The following DENND1A variants were observed in gnomAD, a reference collection of about 807,000 sequenced individuals.
The protein encoded by DENND1A is DENN domain containing 1A, also known as DENN domain-containing protein 1A.
Under a neutral mutation model 113.7 loss-of-function variants are expected in DENND1A, and 51 were observed. The observed-to-expected ratio is 0.45, with a 90% CI of 0.36 to 0.57. The LOEUF (loss-of-function observed/expected upper bound fraction) is 0.57, where lower values mean the gene tolerates loss of function less well. Ranked by LOEUF, DENND1A falls within the 20% of genes least tolerant of loss-of-function variation. The pLI, the probability that DENND1A is intolerant of heterozygous loss-of-function variation, is 0.00. For missense variants in DENND1A, 1,258 were observed against 1,395.9 expected (o/e 0.90, Z 1.57); for synonymous variants, 565 against 570.8 (o/e 0.99, Z 0.14).
intron 13 of DENND1A, among the ~76,000 whole-genome samples, chr9:123,479,846 C>T (rs1047076990): frequency 7.2e-5 from 11 of 152,198 alleles, no homozygotes; most frequent in East Asian, 3.8e-4. Context: ...TTCCTTTAGA[C>T]GCTAACTGCA....
At chr9:123,591,009 G>T (rs1197534860) in intron 11 of DENND1A, among the ~76,000 whole-genome samples, 2 of 152,142 alleles carry the variant, frequency 1.3e-5, no homozygotes, top group African/African-American at 4.8e-5. Context: ...TCTAGTCCAG[G>T]ATTTTTAACT....
chr9:123,446,887 T>C (rs2047347358), intron 18 of DENND1A, among the ~76,000 whole-genome samples: 2 of 152,214 alleles, frequency 1.3e-5, no homozygotes, highest in African/African-American at 4.8e-5. Context: ...AATGGGCCCA[T>C]TTGGCTAAAT....
chr9:123,436,376 C>A (rs117459748), intron 19 of DENND1A, among the ~76,000 whole-genome samples: 2 of 152,228 alleles, frequency 1.3e-5, no homozygotes, highest in East Asian at 3.8e-4. Context: ...TGGAGAAACG[C>A]GGTCTTCACA....
chr9:123,591,437 C>T (rs867045810), intron 11 of DENND1A, among the ~76,000 whole-genome samples: 6 of 152,180 alleles, frequency 3.9e-5, no homozygotes, highest in South Asian at 2.1e-4. Flanking sequence ...GGGTTGGGAG[C>T]GTGGGGCTGG....
intron 19 of DENND1A, among the ~76,000 whole-genome samples, chr9:123,412,460 A>G (rs537730198): frequency 1.4e-4 from 21 of 152,232 alleles, no homozygotes; most frequent in Non-Finnish European, 2.5e-4. Flanking sequence ...CCCTGCCCCC[A>G]CGGGACCTCT....
chr9:123,796,125 A>G (rs1268949755), intron 2 of DENND1A, among the ~76,000 whole-genome samples: 1 of 152,216 alleles, frequency 6.6e-6, no homozygotes, highest in Non-Finnish European at 1.5e-5. Flanking sequence ...TGCTAATAAT[A>G]TGTACGCCCT....
At chr9:123,910,694 C>T (rs1457249099) in intron 1 of DENND1A, among the ~76,000 whole-genome samples, 1 of 152,150 alleles carries the variant, frequency 6.6e-6, no homozygotes, top group Non-Finnish European at 1.5e-5. Context: ...AATCCCAGCA[C>T]TTTGGGAGGC....
At chr9:123,790,035 C>T (rs1352675876) in intron 3 of DENND1A, among the ~76,000 whole-genome samples, 2 of 151,708 alleles carry the variant, frequency 1.3e-5, no homozygotes, top group Non-Finnish European at 2.9e-5. Flanking sequence ...AAGTGCTATA[C>T]TTTGTGGTGA....
At chr9:123,500,506 C>T (rs116299374) in intron 13 of DENND1A, among the ~76,000 whole-genome samples, 21 of 152,310 alleles carry the variant, frequency 1.4e-4, no homozygotes, top group African/African-American at 5.1e-4. Context: ...GGTCTATGAA[C>T]TCCTACTCAT....
intron 5 of DENND1A, among the ~76,000 whole-genome samples, chr9:123,747,211 G>A (rs900460528): frequency 1.3e-5 from 2 of 151,918 alleles, no homozygotes; most frequent in South Asian, 2.1e-4. Flanking sequence ...CTCTTAAATC[G>A]GTTTTTAAAA....
chr9:123,721,431 C>A (rs1282344143), intron 5 of DENND1A, among the ~76,000 whole-genome samples: 2 of 152,204 alleles, frequency 1.3e-5, no homozygotes, highest in South Asian at 4.1e-4. Flanking sequence ...CATTCCTGTC[C>A]CACCTCCCCA....
intron 1 of DENND1A, among the ~76,000 whole-genome samples, chr9:123,884,244 GTTTAATATT>G (rs951596970): frequency 6.6e-6 from 1 of 152,008 alleles, no homozygotes; most frequent in African/African-American, 2.4e-5. Context: ...TCTTCAAGAT[GTTTAATATT>G]TTTAACTTTT....
At chr9:123,481,785 TTTTC>T (rs1269509856) in intron 13 of DENND1A, among the ~76,000 whole-genome samples, 42 of 151,096 alleles carry the variant, frequency 2.8e-4, no homozygotes, top group South Asian at 1.5e-3. Context: ...ATATTGTCTT[TTTTC>T]TTTCTTTCTT....
intron 20 of DENND1A, 27 bp downstream of exon 20, chr9:123,411,749 G>T: frequency 2.0e-6 from 2 of 985,854 alleles, no homozygotes; most frequent in Non-Finnish European, 2.4e-6. Context: ...GTGTTAGGTG[G>T]GGAGGGCAGA....
intron 21 of DENND1A, among the ~76,000 whole-genome samples, chr9:123,390,192 C>G (rs2042768422): frequency 6.6e-6 from 1 of 152,240 alleles, no homozygotes; most frequent in Non-Finnish European, 1.5e-5. Flanking sequence ...AGGGCAGGGC[C>G]TGCCTTGTTC....
In DENND1A at chr9:123,930,032, G is replaced by C. The variant is rs1404945909; in HGVS notation, c.-127C>G. On this transcript the variant is annotated 5_prime_UTR_variant, in exon 1 of 24. Coordinates refer to ENST00000394215, the MANE Select transcript of DENND1A (RefSeq NM_001352964.2). Reference sequence around the variant, plus strand: ...CCTCCCTTCCCTCAGGCTGGGGCCCGCCCGCTCGAGGCTCGCTCCCTCGCC... The same window carrying C: ...CCTCCCTTCCCTCAGGCTGGGGCCCCCCCGCTCGAGGCTCGCTCCCTCGCC... 3 of 218,448 alleles carry C rather than the reference G, an allele frequency of 1.4e-5. No homozygotes were observed. Among genetic ancestry groups the C allele is most frequent in the African/African-American group, 2.4e-5 (1 of 42,204 alleles). 13.5% of individuals were successfully genotyped at this position (218,448 alleles called of 1,614,324 possible).
intron 11 of DENND1A, among the ~76,000 whole-genome samples, chr9:123,596,245 C>T (rs1261379863): frequency 6.6e-6 from 1 of 152,192 alleles, no homozygotes; most frequent in Non-Finnish European, 1.5e-5. Flanking sequence ...ACAACAGATT[C>T]TTTGGCCTGC....
intron 13 of DENND1A, among the ~76,000 whole-genome samples, chr9:123,460,897 C>A (rs566321385): frequency 2.6e-5 from 4 of 152,366 alleles, no homozygotes; most frequent in African/African-American, 9.6e-5. Flanking sequence ...CTATATGCTT[C>A]ACGCAGGCCG....
In DENND1A at chr9:123,593,069, G is replaced by A. The variant is rs552840132; in HGVS notation, c.766-9799C>T. ...GTTAGAAAATGTGTTTGTGAAGGCA[G>A]ACAGCTCCAGGACACACACTGCTTC... On this transcript the variant is annotated intron_variant, in intron 11 of 23. Transcript: ENST00000394215. Among the ~76,000 whole-genome samples the A allele has an allele frequency of 5.9e-5, 9 of 152,346 alleles. No individual in the cohort carries two copies. In the South Asian group the frequency reaches 6.2e-4, roughly 11 times the overall value.
Sources: gnomAD v4.1 joint callset for allele counts (sites outside exome capture counted in the v4.1 genomes callset) on GRCh38, gnomAD v4.1.1 for gene constraint, MANE v1.5 for transcripts, NCBI Gene and HGNC (gene_info 2026-07-23, HGNC 2026-07-21) for gene names.